CMBL: variants seen among roughly 807,000 people sequenced by gnomAD.
CMBL encodes the protein carboxymethylenebutenolidase homolog (Pseudomonas).
CMBL carries 17 observed loss-of-function variants against 28.7 expected under a neutral mutation model. The ratio of observed to expected loss-of-function variants is 0.59; its 90% CI spans 0.41 to 0.89. The LOEUF (loss-of-function observed/expected upper bound fraction) is 0.89, where lower values mean the gene tolerates loss of function less well. Ranked by LOEUF, CMBL falls within the 40% of genes least tolerant of loss-of-function variation. CMBL has a pLI of 0.00. For missense variants in CMBL, 310 were observed against 298.5 expected, an observed-to-expected ratio of 1.04 and a Z score of -0.28; for synonymous variants, 106 against 101.6, an observed-to-expected ratio of 1.04 and a Z score of -0.26.
intron 5 of CMBL, 88 bp downstream of exon 5, chr5:10,282,109 G>C: frequency 2.2e-6 from 2 of 900,752 alleles, no homozygotes; most frequent in Non-Finnish European, 3.6e-6. Flanking sequence ...GCAGTGAGCC[G>C]AGATCGCGCC....
chr5:10,291,583 C>A (rs1446318071), intron 1 of CMBL, among the ~76,000 whole-genome samples: 1 of 151,694 alleles, frequency 6.6e-6, no homozygotes, highest in Non-Finnish European at 1.5e-5. Context: ...ATGGCGTGAA[C>A]CCGGGAGGCG....
intron 1 of CMBL, among the ~76,000 whole-genome samples, chr5:10,291,337 T>TC (rs1260362733): frequency 6.6e-6 from 1 of 152,088 alleles, no homozygotes; most frequent in African/African-American, 2.4e-5. Flanking sequence ...GAAACCCATC[T>TC]CCGTCTAGAT....
rs142806571 is a variant in CMBL at position 10,283,176 on chromosome 5, G to A, written c.467-888C>T. 1.5e-3 allele frequency among the ~76,000 whole-genome samples: 221 copies of A among 151,888 alleles called. 1 individual carries two copies. In the East Asian group the frequency reaches 0.02, roughly 14 times the overall value. ...CCTACTGTCTACCTCCCCACTTTAT[G>A]GACTGGGAATCAGGCCATTAAATAA... On this transcript the variant is annotated intron_variant, in intron 4 of 5. Coordinates refer to ENST00000296658, the MANE Select transcript of CMBL (RefSeq NM_138809.4).
At chr5:10,302,034 C>T (rs375503765) in intron 1 of CMBL, among the ~76,000 whole-genome samples, 6 of 152,210 alleles carry the variant, frequency 3.9e-5, no homozygotes, top group Admixed American at 6.5e-5. Flanking sequence ...CTACAGGAGA[C>T]GCCCGTGTGT....
chr5:10,281,912 C>G (rs1391325819), intron 5 of CMBL, among the ~76,000 whole-genome samples: 1 of 151,188 alleles, frequency 6.6e-6, no homozygotes, highest in Non-Finnish European at 1.5e-5. Context: ...ATAATCCCAT[C>G]ACTTTGGGAG....
chr5:10,284,099 G>A (rs1354293690), intron 4 of CMBL, among the ~76,000 whole-genome samples: 1 of 152,240 alleles, frequency 6.6e-6, no homozygotes, highest in Admixed American at 6.5e-5. Flanking sequence ...GCTACTTCAT[G>A]TGGATGGGCC....
chr5:10,283,647 C>T (rs1254092027), intron 4 of CMBL, among the ~76,000 whole-genome samples: 2 of 152,084 alleles, frequency 1.3e-5, no homozygotes, highest in East Asian at 3.9e-4. Context: ...GTGTTGTAGC[C>T]CCAGCTACTC....
chr5:10,302,845 A>G (rs1460341261), intron 1 of CMBL, among the ~76,000 whole-genome samples: 2 of 152,234 alleles, frequency 1.3e-5, no homozygotes, highest in African/African-American at 4.8e-5. Context: ...CATATTTTGA[A>G]AGGGCCCTGC....
intron 1 of CMBL, among the ~76,000 whole-genome samples, chr5:10,297,273 A>G (rs1281840305): frequency 6.6e-6 from 1 of 151,960 alleles, no homozygotes; most frequent in Non-Finnish European, 1.5e-5. Context: ...CTTTTGACAG[A>G]AAAAGGAGCA....
intron 1 of CMBL, among the ~76,000 whole-genome samples, chr5:10,294,355 G>A (rs1746774257): frequency 6.6e-6 from 1 of 152,080 alleles, no homozygotes; most frequent in African/African-American, 2.4e-5. Context: ...TGGGAGGATT[G>A]TTTGAGACCA....
At chr5:10,306,088 T>C (rs1281183687) in intron 1 of CMBL, among the ~76,000 whole-genome samples, 1 of 152,224 alleles carries the variant, frequency 6.6e-6, no homozygotes, top group Non-Finnish European at 1.5e-5. Flanking sequence ...CTGAAAATTA[T>C]CTTTTAACAA....
intron 1 of CMBL, among the ~76,000 whole-genome samples, chr5:10,291,429 G>A (rs913064793): frequency 2.0e-5 from 3 of 152,100 alleles, no homozygotes; most frequent in Admixed American, 1.3e-4. Context: ...TTGGGAGGCC[G>A]AGGCGGGCGG....
At chr5:10,302,200 A>G (rs1199458483) in intron 1 of CMBL, among the ~76,000 whole-genome samples, 2 of 152,138 alleles carry the variant, frequency 1.3e-5, no homozygotes, top group Non-Finnish European at 2.9e-5. Context: ...ACTGTACTAT[A>G]TTTTCTGTAT....
At chr5:10,293,454 C>T (rs1209939277) in intron 1 of CMBL, among the ~76,000 whole-genome samples, 1 of 152,122 alleles carries the variant, frequency 6.6e-6, no homozygotes, top group Non-Finnish European at 1.5e-5. Flanking sequence ...AGGACATTCC[C>T]TATAGTAAGA....
At chr5:10,286,047 A>T (rs1746599042) in intron 4 of CMBL, 1 of 258,764 alleles carries the variant, frequency 3.9e-6, no homozygotes, top group Non-Finnish European at 7.2e-6. Context: ...ATTGATCATC[A>T]TTACATTAAA....
chr5:10,291,372 G>T (rs1030936915), intron 1 of CMBL, among the ~76,000 whole-genome samples: 24 of 152,116 alleles, frequency 1.6e-4, no homozygotes, highest in African/African-American at 5.8e-4. Flanking sequence ...AAAAAAGAAA[G>T]CAATCCTCGG....
chr5:10,290,901 T>C lies in CMBL; in HGVS notation c.-19-120A>G, dbSNP rs1021401709. Reference sequence around the variant, plus strand: ...TTCATTTTAGCTACATCTATGGTATTATGTGAGAAACCAATGGTAACTTCT... The same window carrying C: ...TTCATTTTAGCTACATCTATGGTATCATGTGAGAAACCAATGGTAACTTCT... On this transcript the variant is annotated intron_variant, in intron 1 of 5. Coordinates refer to ENST00000296658, the MANE Select transcript of CMBL (RefSeq NM_138809.4). The C allele has an allele frequency of 2.4e-5, 17 of 718,130 alleles. 1 individual carries two copies. The highest frequency in any genetic ancestry group is 1.6e-4 in the African/African-American group (9 of 56,252). 44.5% of individuals were successfully genotyped at this position (718,130 alleles called of 1,614,324 possible). A position where few individuals can be genotyped will look rare whatever the true frequency, so the allele number is the denominator to read the frequency against.
chr5:10,284,551 C>T (rs369964699), intron 4 of CMBL, among the ~76,000 whole-genome samples: 6 of 152,214 alleles, frequency 3.9e-5, no homozygotes, highest in African/African-American at 7.2e-5. Flanking sequence ...CTGTTTTTCA[C>T]TTTCAGTACA....
rs1746484241 is a variant in CMBL, at chr5:10,280,717, T to G, written c.559-85A>C. The stretch of plus-strand genomic sequence containing the variant: ...CTTTAGTGAGCGTTCATAACAGAAA[T>G]TTAACATCAATGCTTTAAATCAGAA... On this transcript the variant is annotated intron_variant, in intron 5 of 5. Coordinates refer to ENST00000296658, the MANE Select transcript of CMBL (RefSeq NM_138809.4). 8.8e-6 allele frequency: 10 copies of G among 1,135,308 alleles called. 1 individual carries two copies. In the East Asian group the frequency reaches 2.4e-4, roughly 27 times the overall value. The allele number at this position is 1,135,308 out of a possible 1,614,324, so 70.3% of individuals were successfully genotyped here. A position where few individuals can be genotyped will look rare whatever the true frequency, so the allele number is the denominator to read the frequency against.
Sources: allele counts gnomAD v4.1 joint callset (sites outside exome capture counted in the v4.1 genomes callset), GRCh38; gene constraint gnomAD v4.1.1; transcripts MANE v1.5; gene names NCBI Gene and HGNC (gene_info 2026-07-23, HGNC 2026-07-21).